TTC3: variants seen among roughly 807,000 people sequenced by gnomAD.
TTC3 encodes the protein tetratricopeptide repeat domain 3.
A neutral mutation model predicts 249.6 loss-of-function variants in TTC3; 180 were observed. The observed-to-expected ratio is 0.72, with a 90% CI of 0.64 to 0.82. TTC3 has a LOEUF of 0.82. Ranked by LOEUF, TTC3 falls within the 40% of genes least tolerant of loss-of-function variation. The probability of loss-of-function intolerance (pLI) is 0.00; values close to 1 mark genes in which losing one functional copy is unlikely to be tolerated. For missense variants in TTC3, 2,061 were observed against 2,398.4 expected (o/e 0.86, Z 2.94); for synonymous variants, 717 against 805.0 (o/e 0.89, Z 1.85).
chr21:37,200,566 T>C (rs2085394631), intron 45 of TTC3, among the ~76,000 whole-genome samples: 1 of 152,118 alleles, frequency 6.6e-6, no homozygotes, highest in Non-Finnish European at 1.5e-5. Context: ...CTCCAGCCAC[T>C]CGTTAGTGCT....
At chr21:37,118,057 TA>T (rs571315314) in intron 11 of TTC3, among the ~76,000 whole-genome samples, 10 of 152,038 alleles carry the variant, frequency 6.6e-5, no homozygotes, top group Admixed American at 1.3e-4. Flanking sequence ...TTTGTATAGA[TA>T]AAAACATATA....
At chr21:37,112,371 C>A (rs562090291) in intron 11 of TTC3, among the ~76,000 whole-genome samples, 1 of 152,140 alleles carries the variant, frequency 6.6e-6, no homozygotes, top group Non-Finnish European at 1.5e-5. Flanking sequence ...CATCACTGAT[C>A]CCATGGAAAT....
chr21:37,202,185 ATTATT>A (rs1268210985), exon 46 of TTC3: 3 of 152,122 alleles, frequency 2.0e-5, no homozygotes, highest in Non-Finnish European at 4.4e-5. Context: ...TTGATTTTTT[ATTATT>A]TTATGTTCCC....
intron 1 of TTC3, among the ~76,000 whole-genome samples, chr21:37,077,608 C>T (rs1048202442): frequency 1.3e-5 from 2 of 152,180 alleles, no homozygotes; most frequent in African/African-American, 4.8e-5. Context: ...TTGTTATTGT[C>T]AGACTTAATA....
At chr21:37,106,812 G>A (rs1009238376) in intron 10 of TTC3, among the ~76,000 whole-genome samples, 32 of 152,154 alleles carry the variant, frequency 2.1e-4, no homozygotes, top group African/African-American at 7.5e-4. Flanking sequence ...TGGGAGGAGC[G>A]CTTGAGCCTG....
At chr21:37,103,992 G>A (rs1049131914) in intron 10 of TTC3, among the ~76,000 whole-genome samples, 1 of 152,216 alleles carries the variant, frequency 6.6e-6, no homozygotes, top group Non-Finnish European at 1.5e-5. Flanking sequence ...ATCTGAAGGG[G>A]ATGTAGTGTG....
At chr21:37,116,321 G>A (rs2076139088) in intron 11 of TTC3, among the ~76,000 whole-genome samples, 1 of 152,110 alleles carries the variant, frequency 6.6e-6, no homozygotes, top group South Asian at 2.1e-4. Context: ...GTTTGCTTCT[G>A]GGCAGTAAGA....
At chr21:37,120,343 A>C (rs1286481435) in intron 11 of TTC3, among the ~76,000 whole-genome samples, 1 of 152,208 alleles carries the variant, frequency 6.6e-6, no homozygotes, top group Non-Finnish European at 1.5e-5. Flanking sequence ...AACTAACAGG[A>C]GTTACATTAT....
exon 36 of TTC3, chr21:37,182,802 T>A: frequency 6.3e-7 from 1 of 1,595,290 alleles, no homozygotes; most frequent in Non-Finnish European, 8.5e-7. Flanking sequence ...GATTGGTTCC[T>A]TCAAGATTTG....
At chr21:37,075,471 A>T (rs1228573389) in intron 1 of TTC3, among the ~76,000 whole-genome samples, 1 of 152,240 alleles carries the variant, frequency 6.6e-6, no homozygotes, top group Non-Finnish European at 1.5e-5. Context: ...TCTTCAATTT[A>T]ACCAAGTATC....
chr21:37,119,405 T>G (rs1017024053), intron 11 of TTC3, among the ~76,000 whole-genome samples: 1 of 152,218 alleles, frequency 6.6e-6, no homozygotes, highest in Non-Finnish European at 1.5e-5. Context: ...TTGTTCCCTG[T>G]TAACCTTTCA....
intron 15 of TTC3, among the ~76,000 whole-genome samples, chr21:37,127,560 C>T (rs187535922): frequency 1.3e-5 from 2 of 152,244 alleles, no homozygotes; most frequent in African/African-American, 2.4e-5. Flanking sequence ...TAGGAAAATA[C>T]AGGTTTTCTT....
intron 11 of TTC3, among the ~76,000 whole-genome samples, chr21:37,109,721 C>G (rs1292401604): frequency 6.6e-6 from 1 of 152,234 alleles, no homozygotes; most frequent in African/African-American, 2.4e-5. Flanking sequence ...TAGTGGTTCT[C>G]CCAGCACGCA....
chr21:37,120,612 T>C (rs1427457236), intron 11 of TTC3, among the ~76,000 whole-genome samples: 6 of 152,196 alleles, frequency 3.9e-5, no homozygotes, highest in African/African-American at 1.4e-4. Context: ...GCATGGCCTA[T>C]ACCCTTTCAG....
At position 37,182,740 on chromosome 21, in the gene TTC3, G is replaced by C. The variant is rs370380932; in HGVS notation, c.4618-34G>C. 2.5e-5 allele frequency: 38 copies of C among 1,531,598 alleles called. No individual in the cohort carries two copies. In the East Asian group the frequency reaches 2.6e-4, roughly 10 times the overall value. 94.9% of individuals were successfully genotyped at this position (1,531,598 alleles called of 1,614,324 possible). ...TCTCTTTTGTTAAAAAGTATATTTT[G>C]CCATTTATTTAAGTACTTTCTAAAT... On this transcript the variant is annotated intron_variant, in intron 35 of 45. Transcript: ENST00000355666.
At chr21:37,182,076 T>C (rs914622763) in intron 35 of TTC3, among the ~76,000 whole-genome samples, 1 of 152,260 alleles carries the variant, frequency 6.6e-6, no homozygotes, top group Non-Finnish European at 1.5e-5. Context: ...TTATTAGAAA[T>C]ATTAACATAG....
chr21:37,088,781 A>C lies in TTC3; in HGVS notation c.339-18A>C. 6.2e-7 allele frequency: 1 copy of C among 1,602,364 alleles called. No homozygotes were observed. The highest frequency in any genetic ancestry group is 8.5e-7 in the Non-Finnish European group (1 of 1,174,226). Reference sequence around the variant, plus strand: ...TATATGAGAATCTAATCTTTTAAAAAATAAATTTGTCTTTAAGCAATTCAC... The same window carrying C: ...TATATGAGAATCTAATCTTTTAAAACATAAATTTGTCTTTAAGCAATTCAC... On this transcript the variant is annotated intron_variant, in intron 4 of 45. Coordinates refer to ENST00000355666, the Ensembl canonical transcript of TTC3.
intron 29 of TTC3, 85 bp from the exon 30 acceptor site, chr21:37,160,717 C>T: frequency 7.3e-7 from 1 of 1,366,522 alleles, no homozygotes; most frequent in East Asian, 2.4e-5. Context: ...TATGGCTAGT[C>T]TGTAAAAACT....
chr21:37,169,474 G>C (rs1199347134), intron 34 of TTC3, among the ~76,000 whole-genome samples: 1 of 151,798 alleles, frequency 6.6e-6, no homozygotes, highest in Non-Finnish European at 1.5e-5. Flanking sequence ...AACCTGGGAG[G>C]CGGAGGTTGC....
Sources: allele counts gnomAD v4.1 joint callset (sites outside exome capture counted in the v4.1 genomes callset), GRCh38; gene constraint gnomAD v4.1.1; transcripts MANE v1.5; gene names NCBI Gene and HGNC (gene_info 2026-07-23, HGNC 2026-07-21).